TTC7A: variants seen among roughly 807,000 people sequenced by gnomAD.
TTC7A encodes tetratricopeptide repeat protein 7A.
TTC7A carries 110 observed loss-of-function variants against 103.7 expected under a neutral mutation model. That is an observed-to-expected ratio of 1.06 (90% CI 0.91 to 1.24). The LOEUF is 1.24. Ranked by LOEUF, TTC7A falls within the 50% of genes most tolerant of loss-of-function variation. The probability of loss-of-function intolerance (pLI) is 0.00; values close to 1 mark genes in which losing one functional copy is unlikely to be tolerated. For synonymous variants in TTC7A, 521 were observed against 467.9 expected (o/e 1.11, Z -1.47); for missense variants, 1,340 against 1,116.3 (o/e 1.20, Z -2.86).
intron 18 of TTC7A, among the ~76,000 whole-genome samples, chr2:47,056,433 G>A (rs531077971): frequency 6.6e-6 from 1 of 152,332 alleles, no homozygotes; most frequent in Non-Finnish European, 1.5e-5. Context: ...AGCCCTAAGA[G>A]GCCTTGGGGG....
At chr2:46,998,527 G>T (rs897387676) in intron 8 of TTC7A, among the ~76,000 whole-genome samples, 3 of 152,184 alleles carry the variant, frequency 2.0e-5, no homozygotes, top group African/African-American at 7.2e-5. Flanking sequence ...TCCTCATCCC[G>T]CTTTGATGTT....
rs1573122374 is a variant in TTC7A, at chr2:47,074,888, G to C, written c.*965G>C. The C allele has an allele frequency of 2.6e-5, 4 of 152,420 alleles. No individual in the cohort carries two copies. The South Asian group carries it at 8.3e-4, about 32-fold the overall frequency. The allele number at this position is 152,420 out of a possible 1,614,324, so 9.4% of individuals were successfully genotyped here. A position where few individuals can be genotyped will look rare whatever the true frequency, so the allele number is the denominator to read the frequency against. On this transcript the variant is annotated 3_prime_UTR_variant, in exon 20 of 20. Transcript: ENST00000319190. ...ATGACACCTGTCTTCCGGGCCTGGG[G>C]GCTGTGGGTGTATGTCCTCCCTACT...
intron 16 of TTC7A, among the ~76,000 whole-genome samples, chr2:47,047,794 A>C (rs933277633): frequency 6.6e-6 from 1 of 152,208 alleles, no homozygotes; most frequent in African/African-American, 2.4e-5. Flanking sequence ...GGGGCTTGTC[A>C]CAATGGGAAG....
chr2:47,058,673 G>T (rs2104768316), intron 18 of TTC7A, among the ~76,000 whole-genome samples: 1 of 152,336 alleles, frequency 6.6e-6, no homozygotes, highest in South Asian at 2.1e-4. Flanking sequence ...TTCAGCATAG[G>T]CTCAGCCCCA....
chr2:46,942,219 C>T (rs757086304), intron 1 of TTC7A, among the ~76,000 whole-genome samples: 1 of 152,198 alleles, frequency 6.6e-6, no homozygotes, highest in Non-Finnish European at 1.5e-5. Flanking sequence ...GCTTGGCCAG[C>T]CTCAGTTTCC....
intron 19 of TTC7A, among the ~76,000 whole-genome samples, chr2:47,062,388 G>A (rs146967264): frequency 6.6e-6 from 1 of 152,348 alleles, no homozygotes; most frequent in East Asian, 1.9e-4. Flanking sequence ...AGCCCGTGCA[G>A]CCACCATACA....
rs2104702263 is a variant in TTC7A, at chr2:47,046,388, G to A, written c.1876G>A (p.Val626Met). 6.2e-7 allele frequency: 1 copy of A among 1,614,246 alleles called. No individual in the cohort carries two copies. The highest frequency in any genetic ancestry group is 1.1e-5 in the South Asian group (1 of 91,086). ...PEEALVTCRQ[V>M]LRLWQTLYSF... Reference sequence around the variant, plus strand: ...GGAAGCCCTCGTGACCTGCAGACAAGTGCTGAGGCTGTGGCAGACCCTGTA... The same window carrying A: ...GGAAGCCCTCGTGACCTGCAGACAAATGCTGAGGCTGTGGCAGACCCTGTA... Residue 626 changes from valine to methionine, a missense_variant, in exon 16 of 20, where the codon GTG (valine) becomes ATG (methionine). Coordinates refer to ENST00000319190, the MANE Select transcript of TTC7A (RefSeq NM_020458.4).
intron 15 of TTC7A, among the ~76,000 whole-genome samples, chr2:47,039,749 A>G (rs1413723939): frequency 6.6e-6 from 1 of 152,206 alleles, no homozygotes; most frequent in East Asian, 1.9e-4. Flanking sequence ...CTAGGAAGAA[A>G]AGGAGGAAGA....
intron 2 of TTC7A, among the ~76,000 whole-genome samples, chr2:46,919,361 C>T (rs1026133888): frequency 1.3e-5 from 2 of 152,164 alleles, no homozygotes; most frequent in Admixed American, 1.3e-4. Context: ...TGGTGAAACC[C>T]TGTCTCTACT....
intron 11 of TTC7A, among the ~76,000 whole-genome samples, chr2:47,015,592 A>G (rs1191576225): frequency 7.2e-5 from 11 of 152,306 alleles, no homozygotes; most frequent in African/African-American, 2.6e-4. Context: ...GTAGCCTGGA[A>G]ACAATCATGT....
In TTC7A at chr2:47,029,128, G is replaced by A. The variant is rs990782672; in HGVS notation, c.1642-96G>A. 4.8e-6 allele frequency: 7 copies of A among 1,455,852 alleles called. No homozygotes were observed. In the African/African-American group the frequency reaches 9.7e-5, roughly 20 times the overall value. The allele number at this position is 1,455,852 out of a possible 1,614,324, so 90.2% of individuals were successfully genotyped here. On this transcript the variant is annotated intron_variant, in intron 14 of 19. Coordinates refer to ENST00000319190, the MANE Select transcript of TTC7A (RefSeq NM_020458.4). ...CCCCCAGTGCCTGGGGCTCCCTTGA[G>A]TTGAGTGTGAGTGCCCTTGTTGACT...
chr2:47,026,023 G>T (rs1023178949), intron 14 of TTC7A, among the ~76,000 whole-genome samples: 1 of 152,244 alleles, frequency 6.6e-6, no homozygotes, highest in African/African-American at 2.4e-5. Context: ...CTGATGAATA[G>T]CATCCATCCT....
rs553629951 is a variant in TTC7A, at chr2:47,051,625, C to T, written c.2018-121C>T. 35 of 1,295,288 alleles carry T rather than the reference C, an allele frequency of 2.7e-5. No homozygotes were observed. In the African/African-American group the frequency reaches 5.2e-4, roughly 19 times the overall value. The allele number at this position is 1,295,288 out of a possible 1,614,324, so 80.2% of individuals were successfully genotyped here. A position where few individuals can be genotyped will look rare whatever the true frequency, so the allele number is the denominator to read the frequency against. On this transcript the variant is annotated intron_variant, in intron 17 of 19. Coordinates refer to ENST00000319190, the MANE Select transcript of TTC7A (RefSeq NM_020458.4). ...GAGCTGCTTTCTGGCTGCCCAGCCGCACCACCCTACCCTGATTCAGGGTGC... is the reference window on the plus strand; with the variant it reads ...GAGCTGCTTTCTGGCTGCCCAGCCGTACCACCCTACCCTGATTCAGGGTGC...
In TTC7A at chr2:46,941,415, C is replaced by CGCCCGGGCCCCCGCTGCT; in HGVS notation, c.-116_-115insCGCTGCTGCCCGGGCCCC. 1 of 1,016,656 alleles carries CGCCCGGGCCCCCGCTGCT rather than the reference C, an allele frequency of 9.8e-7. No individual in the cohort carries two copies. The highest frequency in any genetic ancestry group is 1.2e-6 in the Non-Finnish European group (1 of 800,116). 63.0% of individuals were successfully genotyped at this position (1,016,656 alleles called of 1,614,324 possible). A position where few individuals can be genotyped will look rare whatever the true frequency, so the allele number is the denominator to read the frequency against. ...CCTCCGCCGCCCGGGCCCCCGCTGC[C>CGCCCGGGCCCCCGCTGCT]GCCCGGGCCCCGGCTGCCGTCTGCG... On this transcript the variant is annotated 5_prime_UTR_variant, in exon 1 of 20. Transcript: ENST00000319190. This position sits in a 1 kb window ranked among gnomAD's most constrained non-coding sequence, Gnocchi z 4.2.
intron 11 of TTC7A, among the ~76,000 whole-genome samples, chr2:47,015,043 G>A (rs1312919871): frequency 2.0e-5 from 3 of 152,244 alleles, no homozygotes; most frequent in Non-Finnish European, 2.9e-5. Flanking sequence ...GAGTAGCTGA[G>A]CAGGTTTGGG....
chr2:47,048,374 G>A (rs890906049), intron 16 of TTC7A, among the ~76,000 whole-genome samples: 2 of 152,208 alleles, frequency 1.3e-5, no homozygotes, highest in Non-Finnish European at 2.9e-5. Flanking sequence ...GGGAGAAAGA[G>A]TAGGATGGGA....
chr2:46,980,854 C>T (rs961229422), intron 5 of TTC7A, among the ~76,000 whole-genome samples: 5 of 152,204 alleles, frequency 3.3e-5, no homozygotes, highest in African/African-American at 1.2e-4. Flanking sequence ...GCTCATGGAA[C>T]CCAGGAGAGC....
At chr2:46,952,606 G>C (rs1209146861) in intron 2 of TTC7A, among the ~76,000 whole-genome samples, 2 of 152,108 alleles carry the variant, frequency 1.3e-5, no homozygotes, top group Admixed American at 1.3e-4. Flanking sequence ...TTTTTAATTA[G>C]CTAGGCGTGG....
chr2:47,041,187 T>A (rs1365119178), intron 15 of TTC7A, among the ~76,000 whole-genome samples: 2 of 152,020 alleles, frequency 1.3e-5, no homozygotes, highest in African/African-American at 4.8e-5. Flanking sequence ...TTCTGGACAG[T>A]TTGGAATGGA....
Sources: allele counts gnomAD v4.1 joint callset (sites outside exome capture counted in the v4.1 genomes callset), GRCh38; gene constraint gnomAD v4.1.1; non-coding constraint Gnocchi (gnomAD v3.1); transcripts MANE v1.5; gene names NCBI Gene and HGNC (gene_info 2026-07-23, HGNC 2026-07-21).